The following CEP63 variants were observed in gnomAD, a reference collection of about 807,000 sequenced individuals.
CEP63 encodes centrosomal protein of 63 kDa.
A neutral mutation model predicts 89.1 loss-of-function variants in CEP63; 84 were observed. The ratio of observed to expected loss-of-function variants is 0.94; its 90% confidence interval spans 0.79 to 1.13. CEP63 has a LOEUF of 1.13. CEP63 is among the 50% of genes most tolerant of loss of function. CEP63 has a pLI of 0.00. For synonymous variants in CEP63, 267 were observed against 272.5 expected (o/e 0.98, Z 0.20); for missense variants, 838 against 813.3 (o/e 1.03, Z -0.37).
At chr3:134,752,266 C>T in the CEP63 span, among the ~76,000 whole-genome samples, 4 of 152,200 alleles carry the variant, frequency 2.6e-5, no homozygotes, top group African/African-American at 9.6e-5. Flanking sequence ...CTCCAGAACA[C>T]TCTGCATATG....
Position 134,547,318 on chromosome 3 carries a change from C to G in CEP63, c.930-17C>G. 1.2e-6 allele frequency: 2 copies of G among 1,611,746 alleles called. No individual in the cohort carries two copies. The highest frequency in any genetic ancestry group is 1.7e-6 in the Non-Finnish European group (2 of 1,178,104). The stretch of plus-strand genomic sequence containing the variant: ...CAGAGATAAAGGCGTTAACAATCAT[C>G]CTATGTCTTTCCATAGGCCACGGGA... On this transcript the variant is annotated splice_polypyrimidine_tract_variant and intron_variant, in intron 8 of 14. Transcript: ENST00000675561.
chr3:134,532,223 C>G (rs951008389), intron 4 of CEP63, among the ~76,000 whole-genome samples: 1 of 152,006 alleles, frequency 6.6e-6, no homozygotes, highest in Non-Finnish European at 1.5e-5. Context: ...TACTTGATAC[C>G]AAAAATTACA....
At chr3:134,528,682 T>C (rs1395689669) in intron 3 of CEP63, among the ~76,000 whole-genome samples, 2 of 152,124 alleles carry the variant, frequency 1.3e-5, no homozygotes, top group Non-Finnish European at 2.9e-5. Context: ...GCTTTGTCTT[T>C]ACGGGTTATA....
chr3:134,528,357 C>T (rs1337393819), intron 3 of CEP63, among the ~76,000 whole-genome samples: 1 of 152,096 alleles, frequency 6.6e-6, no homozygotes, highest in Non-Finnish European at 1.5e-5. Flanking sequence ...GTTTTTTTCT[C>T]CCCCGTTCTT....
chr3:134,746,854 A>C, the CEP63 span, among the ~76,000 whole-genome samples: 1 of 152,058 alleles, frequency 6.6e-6, no homozygotes, highest in African/African-American at 2.4e-5. Flanking sequence ...AGATTGCAAA[A>C]ATTTTCTCCC....
chr3:134,632,000 T>C, the CEP63 span, among the ~76,000 whole-genome samples: 1 of 152,104 alleles, frequency 6.6e-6, no homozygotes, highest in Non-Finnish European at 1.5e-5. Context: ...AAGCTGGAGT[T>C]GCTATGTTAA....
the CEP63 span, among the ~76,000 whole-genome samples, chr3:134,726,174 C>T: frequency 2.6e-5 from 4 of 152,144 alleles, no homozygotes; most frequent in African/African-American, 7.2e-5. Flanking sequence ...CTTCTTTAAA[C>T]ACGTTCCATG....
At chr3:134,602,708 T>C in the CEP63 span, among the ~76,000 whole-genome samples, 1 of 152,186 alleles carries the variant, frequency 6.6e-6, no homozygotes, top group African/African-American at 2.4e-5. Context: ...GCCCAGGCTC[T>C]GTGAGGGCCT....
chr3:134,719,386 A>G, the CEP63 span, among the ~76,000 whole-genome samples: 1 of 152,210 alleles, frequency 6.6e-6, no homozygotes, highest in Non-Finnish European at 1.5e-5. Context: ...ATCTGTGTGG[A>G]CATTAAACTA....
At chr3:134,703,769 A>C in the CEP63 span, among the ~76,000 whole-genome samples, 1 of 152,238 alleles carries the variant, frequency 6.6e-6, no homozygotes, top group South Asian at 2.1e-4. Context: ...CATCCTGCAC[A>C]TGAACCCCTG....
chr3:134,610,396 CAG>C, the CEP63 span: 1 of 1,604,628 alleles, frequency 6.2e-7, no homozygotes, highest in African/African-American at 1.3e-5. Flanking sequence ...GGGGGCAGGA[CAG>C]GGGGTCTGAG....
the CEP63 span, among the ~76,000 whole-genome samples, chr3:134,758,860 T>C: frequency 6.6e-6 from 1 of 152,202 alleles, no homozygotes; most frequent in African/African-American, 2.4e-5. Context: ...AACCTGTGCA[T>C]GTGTTACCTC....
intron 2 of CEP63, among the ~76,000 whole-genome samples, chr3:134,503,922 G>C (rs1398952230): frequency 1.3e-5 from 2 of 151,958 alleles, no homozygotes; most frequent in African/African-American, 4.8e-5. Context: ...GTTAGGTCTT[G>C]CTTTTTATAG....
chr3:134,765,524 C>T, the CEP63 span, among the ~76,000 whole-genome samples: 1 of 152,092 alleles, frequency 6.6e-6, no homozygotes, highest in Non-Finnish European at 1.5e-5. Context: ...GGAGGAAGTG[C>T]CTCTATGCTA....
the CEP63 span, among the ~76,000 whole-genome samples, chr3:134,614,423 A>C: frequency 6.6e-6 from 1 of 152,106 alleles, no homozygotes. Context: ...TGCCCTGAAC[A>C]AGCTGCCAAG....
At chr3:134,658,611 T>C in the CEP63 span, among the ~76,000 whole-genome samples, 1 of 152,240 alleles carries the variant, frequency 6.6e-6, no homozygotes, top group Non-Finnish European at 1.5e-5. Context: ...CTGAGACTTC[T>C]TCCTTTAGCC....
intron 3 of CEP63, among the ~76,000 whole-genome samples, chr3:134,521,076 A>C (rs1311070030): frequency 6.6e-6 from 1 of 152,196 alleles, no homozygotes; most frequent in Non-Finnish European, 1.5e-5. Flanking sequence ...GAACATCTAT[A>C]AATTAATAAG....
chr3:134,606,247 C>T, the CEP63 span, among the ~76,000 whole-genome samples: 1 of 152,142 alleles, frequency 6.6e-6, no homozygotes, highest in South Asian at 2.1e-4. Flanking sequence ...CACCCAGCAC[C>T]CCACACAGCA....
At chr3:134,517,909 A>G (rs183129528) in intron 3 of CEP63, among the ~76,000 whole-genome samples, 3 of 152,334 alleles carry the variant, frequency 2.0e-5, no homozygotes, top group Non-Finnish European at 4.4e-5. Context: ...AGAACTTGCT[A>G]AATTTGAAGA....
Sources: gnomAD v4.1 joint callset for allele counts (sites outside exome capture counted in the v4.1 genomes callset) on GRCh38, gnomAD v4.1.1 for gene constraint, MANE v1.5 for transcripts, NCBI Gene and HGNC (gene_info 2026-07-23, HGNC 2026-07-21) for gene names.